Variants in PRPF3 observed in about 807,000 individuals in gnomAD.
PRPF3 encodes the protein U4/U6 small nuclear ribonucleoprotein Prp3.
Under a neutral mutation model 89.2 loss-of-function variants are expected in PRPF3, and 3 were observed. The ratio of observed to expected loss-of-function variants is 0.03; its 90% confidence interval spans 0.02 to 0.09. PRPF3 has a LOEUF of 0.09. Among genes scored for constraint, PRPF3 ranks in the 10% least tolerant of loss-of-function variants. PRPF3 has a pLI of 1.00. For missense variants in PRPF3, 463 were observed against 828.8 expected (o/e 0.56, Z 5.42); for synonymous variants, 270 against 289.1 (o/e 0.93, Z 0.67).
At chr1:150,333,254 A>C in intron 6 of PRPF3, 55 bp downstream of exon 6, 1 of 1,559,744 alleles carries the variant, frequency 6.4e-7, no homozygotes, top group Non-Finnish European at 8.8e-7. Context: ...AGAAGCAATA[A>C]ATACCTTTGA....
At position 150,324,880 on chromosome 1, in the gene PRPF3, C is replaced by CTCTT. The variant is rs1553863246; in HGVS notation, c.-48-14_-48-13insCTTT. The CTCTT allele has an allele frequency of 1.2e-4, 166 of 1,343,488 alleles. 1 individual carries two copies. The Admixed American group carries it at 2.5e-3, about 20-fold the overall frequency. The allele number at this position is 1,343,488 out of a possible 1,614,324, so 83.2% of individuals were successfully genotyped here. A position where few individuals can be genotyped will look rare whatever the true frequency, so the allele number is the denominator to read the frequency against. On this transcript the variant is annotated splice_polypyrimidine_tract_variant and intron_variant, in intron 1 of 15. Coordinates refer to ENST00000324862, the MANE Select transcript of PRPF3 (RefSeq NM_004698.4). Reference sequence around the variant, plus strand: ...TCTTTTCTTATTCTCTAACTTGTCTCTTTTTTTTTTTTAGGTGTAGTATTG... The same window carrying CTCTT: ...TCTTTTCTTATTCTCTAACTTGTCTCTCTTTTTTTTTTTTTTAGGTGTAGTATTG...
rs782744286 is a variant in PRPF3 at position 150,328,315 on chromosome 1, C to T, written c.277-5C>T. ...CAGCTTTTCTTTCATCTTGGGTTCCCTTAGGAGGTGTTTGGTGATGACTCT... is the reference window on the plus strand; with the variant it reads ...CAGCTTTTCTTTCATCTTGGGTTCCTTTAGGAGGTGTTTGGTGATGACTCT... On this transcript the variant is annotated splice_polypyrimidine_tract_variant and splice_region_variant and intron_variant, in intron 3 of 15. Coordinates refer to ENST00000324862, the MANE Select transcript of PRPF3 (RefSeq NM_004698.4). 7 of 1,613,812 alleles carry T rather than the reference C, an allele frequency of 4.3e-6. No individual in the cohort carries two copies. Among genetic ancestry groups the T allele is most frequent in the Non-Finnish European group, 5.9e-6 (7 of 1,179,936 alleles).
intron 14 of PRPF3, 145 bp from the exon 15 acceptor site, chr1:150,349,012 G>A (rs1658617028): frequency 1.3e-6 from 1 of 750,922 alleles, no homozygotes; most frequent in Non-Finnish European, 2.4e-6. Flanking sequence ...CTAATTTGGG[G>A]AAAATAAAGA....
At chr1:150,329,368 C>T (rs782035470) in intron 4 of PRPF3, among the ~76,000 whole-genome samples, 1 of 152,038 alleles carries the variant, frequency 6.6e-6, no homozygotes, top group Non-Finnish European at 1.5e-5. Flanking sequence ...TATGTTTTAG[C>T]GTTCTTTGAT....
Position 150,324,880 on chromosome 1 carries a change from C to CCTTT in PRPF3, c.-48-15_-48-14insCTTT. On this transcript the variant is annotated splice_polypyrimidine_tract_variant and intron_variant, in intron 1 of 15. Transcript: ENST00000324862. Reference sequence around the variant, plus strand: ...TCTTTTCTTATTCTCTAACTTGTCTCTTTTTTTTTTTTAGGTGTAGTATTG... The same window carrying CCTTT: ...TCTTTTCTTATTCTCTAACTTGTCTCCTTTTTTTTTTTTTTTAGGTGTAGTATTG... 7.4e-7 allele frequency: 1 copy of CCTTT among 1,343,010 alleles called. No individual in the cohort carries two copies. The allele number at this position is 1,343,010 out of a possible 1,614,324, so 83.2% of individuals were successfully genotyped here.
At chr1:150,336,356 C>T (rs1415852641) in intron 7 of PRPF3, among the ~76,000 whole-genome samples, 13 of 152,154 alleles carry the variant, frequency 8.5e-5, no homozygotes, top group Non-Finnish European at 1.6e-4. Flanking sequence ...AGGGAGCAAT[C>T]GTAAGTACAG....
chr1:150,349,283 G>A, intron 15 of PRPF3, 65 bp downstream of exon 15: 1 of 1,129,962 alleles, frequency 8.8e-7, no homozygotes, highest in Non-Finnish European at 1.4e-6. Context: ...TACTATTTGA[G>A]TGGAGCAATG....
At chr1:150,328,060 AGCAGTAGCATTT>A in intron 3 of PRPF3, 1 of 470,014 alleles carries the variant, frequency 2.1e-6, no homozygotes. Context: ...TATAAATGTG[AGCAGTAGCATTT>A]GCAAAGACCT....
intron 8 of PRPF3, among the ~76,000 whole-genome samples, chr1:150,338,810 TGG>T (rs1657339926): frequency 6.6e-6 from 1 of 152,142 alleles, no homozygotes; most frequent in Admixed American, 6.6e-5. Flanking sequence ...CCACTGCACC[TGG>T]CCAAGCTCCT....
In PRPF3 at chr1:150,342,548, G is replaced by C. The variant is rs912101372; in HGVS notation, c.1283-761G>C. 2.0e-5 allele frequency among the ~76,000 whole-genome samples: 3 copies of C among 151,580 alleles called. No homozygotes were observed. In the South Asian group the frequency reaches 6.3e-4, roughly 32 times the overall value. ...CACATGTTTTTTGAAATGGAGTCTC[G>C]CTGTGTTGCCAGGCTAGAGTGCAGT... On this transcript the variant is annotated intron_variant, in intron 9 of 15. Coordinates refer to ENST00000324862, the MANE Select transcript of PRPF3 (RefSeq NM_004698.4).
intron 9 of PRPF3, among the ~76,000 whole-genome samples, chr1:150,341,060 G>C (rs895468405): frequency 3.4e-5 from 5 of 145,740 alleles, no homozygotes; most frequent in Admixed American, 7.1e-5. Context: ...GAGCTGAGAT[G>C]GTGCTGCTGC....
intron 12 of PRPF3, 89 bp downstream of exon 12, chr1:150,344,636 A>C: frequency 7.3e-7 from 1 of 1,362,460 alleles, no homozygotes; most frequent in Non-Finnish European, 1.0e-6. Context: ...GCCTAAAAGC[A>C]TACCTAACAC....
At chr1:150,328,245 G>GTAGGGGC in intron 3 of PRPF3, 75 bp from the exon 4 acceptor site, 1 of 1,573,182 alleles carries the variant, frequency 6.4e-7, no homozygotes, top group Non-Finnish European at 8.7e-7. Flanking sequence ...GAAAATGCTG[G>GTAGGGGC]TAGGGGCTAG....
In PRPF3 at chr1:150,336,270, G is replaced by C. The variant is rs1036764027; in HGVS notation, c.1035+1029G>C. Among the ~76,000 whole-genome samples, 4 of 152,032 alleles carry C rather than the reference G, an allele frequency of 2.6e-5. No homozygotes were observed. The South Asian group carries it at 8.3e-4, about 31-fold the overall frequency. On this transcript the variant is annotated intron_variant, in intron 7 of 15. Transcript: ENST00000324862. ...CCCTCACATGTACAGTTCACAATAG[G>C]GTTCGCGCTCCTCTGAGAATCTCAT...
intron 9 of PRPF3, among the ~76,000 whole-genome samples, chr1:150,341,995 C>T: frequency 6.6e-6 from 1 of 152,002 alleles, no homozygotes; most frequent in East Asian, 2.0e-4. Context: ...TGAGCCACCG[C>T]ACCTGGCCCT....
chr1:150,345,831 A>G, intron 12 of PRPF3, 187 bp from the exon 13 acceptor site: 1 of 668,794 alleles, frequency 1.5e-6, no homozygotes, highest in Non-Finnish European at 2.7e-6. Context: ...CTTTGAAGAA[A>G]TGTAAGAGTG....
chr1:150,325,871 G>A lies in PRPF3; in HGVS notation c.266G>A (p.Arg89Gln), dbSNP rs782194993. ...SKSSSDRSRK[R>Q]ELKEVFGDDS... Reference sequence around the variant, plus strand: ...TCTAGCAGTGACAGGAGCAGAAAACGAGAGCTAAAGGTAGGTTACAATTTA... The same window carrying A: ...TCTAGCAGTGACAGGAGCAGAAAACAAGAGCTAAAGGTAGGTTACAATTTA... Residue 89 changes from arginine (R) to glutamine (Q), a missense_variant, in exon 3 of 16, where the codon CGA (arginine) becomes CAA (glutamine). Coordinates refer to ENST00000324862, the MANE Select transcript of PRPF3 (RefSeq NM_004698.4). 103 of 1,612,942 alleles carry A rather than the reference G, an allele frequency of 6.4e-5. No homozygotes were observed. The highest frequency in any genetic ancestry group is 8.4e-5 in the Non-Finnish European group (99 of 1,179,294).
intron 8 of PRPF3, among the ~76,000 whole-genome samples, chr1:150,339,401 A>C (rs1553869414): frequency 6.6e-6 from 1 of 150,818 alleles, no homozygotes; most frequent in Non-Finnish European, 1.5e-5. Context: ...TATAAGACAC[A>C]TTTGAAGAGC....
chr1:150,339,349 C>T (rs1310229845), intron 8 of PRPF3, among the ~76,000 whole-genome samples: 3 of 150,478 alleles, frequency 2.0e-5, no homozygotes, highest in Non-Finnish European at 4.4e-5. Flanking sequence ...TGCACTCTAT[C>T]CTGGACAACA....
Sources: gnomAD v4.1 joint callset for allele counts (sites outside exome capture counted in the v4.1 genomes callset) on GRCh38, gnomAD v4.1.1 for gene constraint, MANE v1.5 for transcripts, NCBI Gene and HGNC (gene_info 2026-07-23, HGNC 2026-07-21) for gene names.